IGDCC4: variants seen among roughly 807,000 people sequenced by gnomAD.
The protein encoded by IGDCC4 is immunoglobulin superfamily DCC subclass member 4.
Under a neutral mutation model 116.6 loss-of-function variants are expected in IGDCC4, and 72 were observed. The ratio of observed to expected loss-of-function variants is 0.62; its 90% confidence interval spans 0.51 to 0.75. IGDCC4 has a LOEUF of 0.75. Among genes scored for constraint, IGDCC4 ranks in the 30% least tolerant of loss-of-function variants. IGDCC4 has a pLI of 0.00. For missense variants in IGDCC4, 1,501 were observed against 1,662.4 expected (o/e 0.90, Z 1.69); for synonymous variants, 709 against 719.9 (o/e 0.98, Z 0.24).
rs1375195119 is a variant in IGDCC4 at position 65,384,988 on chromosome 15, A to G, written c.3308T>C (p.Leu1103Pro). The G allele has an allele frequency of 6.2e-6, 10 of 1,611,054 alleles. No individual in the cohort carries two copies. The highest frequency in any genetic ancestry group is 8.5e-6 in the Non-Finnish European group (10 of 1,178,924). ...GTCGTACACCAGAGCCTGCAGCAACAGCGTCTGCCCAGTTCCAGCAGGGGG... is the reference window on the plus strand; with the variant it reads ...GTCGTACACCAGAGCCTGCAGCAACGGCGTCTGCCCAGTTCCAGCAGGGGG... ...LLPPAGTGQTLLLQALVYDAI... is the reference protein window; with the variant it reads ...LLPPAGTGQTPLLQALVYDAI... The change falls in exon 19 of 20, where the codon CTG becomes CCG. Residue 1103 changes from leucine (L) to proline (P), a missense_variant. Transcript: ENST00000352385. The surrounding 1 kb of genome is among the most constrained non-coding windows in gnomAD (Gnocchi z 4.9).
At chr15:65,402,255 T>C in intron 4 of IGDCC4, 96 bp downstream of exon 4, 2 of 1,397,322 alleles carry the variant, frequency 1.4e-6, no homozygotes, top group Non-Finnish European at 1.9e-6. Context: ...TATCACCTAC[T>C]TGAAGGCAAG....
intron 13 of IGDCC4, among the ~76,000 whole-genome samples, chr15:65,389,833 G>T (rs2091495190): frequency 6.6e-6 from 1 of 152,154 alleles, no homozygotes; most frequent in Admixed American, 6.5e-5. Context: ...TGAGGACAGG[G>T]GTGGGGTTCT....
In IGDCC4 at chr15:65,382,353, AT is replaced by A. The variant is rs2091408289; in HGVS notation, c.*1655del. The stretch of plus-strand genomic sequence containing the variant: ...TGACACCCGAGTATAATAAACACAG[AT>A]GCTTTCAGGGTTTGAGGAAGCCGCA... On this transcript the variant is annotated 3_prime_UTR_variant, in exon 20 of 20. Coordinates refer to ENST00000352385, the MANE Select transcript of IGDCC4 (RefSeq NM_020962.3). The A allele has an allele frequency of 6.6e-6, 1 of 150,662 alleles. No individual in the cohort carries two copies. Among genetic ancestry groups the A allele is most frequent in the Admixed American group, 6.7e-5 (1 of 15,018 alleles). 9.3% of individuals were successfully genotyped at this position (150,662 alleles called of 1,614,324 possible).
chr15:65,414,656 G>C (rs905199571), intron 1 of IGDCC4, among the ~76,000 whole-genome samples: 10 of 152,180 alleles, frequency 6.6e-5, no homozygotes, highest in African/African-American at 2.4e-4. Context: ...TTGTTTGTTT[G>C]TTCTTGCGAC....
intron 1 of IGDCC4, among the ~76,000 whole-genome samples, chr15:65,414,882 T>C (rs868589388): frequency 6.6e-6 from 1 of 152,228 alleles, no homozygotes; most frequent in Admixed American, 6.5e-5. Context: ...CCTCAAGTGA[T>C]CTGCCTGCCT....
chr15:65,389,877 G>C (rs1269476674), intron 13 of IGDCC4, among the ~76,000 whole-genome samples: 1 of 152,160 alleles, frequency 6.6e-6, no homozygotes, highest in Non-Finnish European at 1.5e-5. Context: ...TCTGAGGTTG[G>C]AGAAACAGGT....
At chr15:65,404,000 T>A (rs1163781131) in intron 3 of IGDCC4, among the ~76,000 whole-genome samples, 1 of 151,750 alleles carries the variant, frequency 6.6e-6, no homozygotes, top group Non-Finnish European at 1.5e-5. Context: ...ACAGAGCAAA[T>A]GGTGCTGGCC....
At chr15:65,389,487 C>T (rs1271142627) in intron 13 of IGDCC4, 76 bp from the exon 14 acceptor site, 9 of 1,600,376 alleles carry the variant, frequency 5.6e-6, no homozygotes, top group Non-Finnish European at 7.7e-6. Context: ...AATCTACTCC[C>T]CTGCAGTCAG....
chr15:65,421,758 C>G (rs1282954574), intron 1 of IGDCC4, among the ~76,000 whole-genome samples: 1 of 151,222 alleles, frequency 6.6e-6, no homozygotes, highest in Non-Finnish European at 1.5e-5. Flanking sequence ...AAGAACTAGG[C>G]GAACAAAGCG....
At chr15:65,407,781 C>G (rs921464776) in intron 3 of IGDCC4, among the ~76,000 whole-genome samples, 5 of 149,920 alleles carry the variant, frequency 3.3e-5, no homozygotes, top group African/African-American at 1.2e-4. Context: ...CATGCGTCAC[C>G]ACGCCTGGAT....
chr15:65,398,652 G>A (rs902694825), intron 5 of IGDCC4, among the ~76,000 whole-genome samples: 3 of 152,150 alleles, frequency 2.0e-5, no homozygotes, highest in African/African-American at 4.8e-5. Context: ...GCCAAGGTGG[G>A]CGGATCACGA....
intron 3 of IGDCC4, among the ~76,000 whole-genome samples, chr15:65,405,755 C>T (rs918483022): frequency 6.6e-6 from 1 of 152,118 alleles, no homozygotes; most frequent in Non-Finnish European, 1.5e-5. Context: ...AGTTGGTATA[C>T]TCTACCATTT....
chr15:65,414,115 G>T (rs992847385), intron 1 of IGDCC4, among the ~76,000 whole-genome samples: 1 of 152,214 alleles, frequency 6.6e-6, no homozygotes, highest in African/African-American at 2.4e-5. Context: ...TAGAAGCCCT[G>T]TGAGTCTCCA....
Position 65,384,027 on chromosome 15 carries a change from C to G in IGDCC4, c.3735G>C (p.Pro1245=). Residue 1245 remains proline (P), a synonymous_variant, in exon 20 of 20, where the codon CCG becomes CCC. Coordinates refer to ENST00000352385, the MANE Select transcript of IGDCC4 (RefSeq NM_020962.3). This position sits in a 1 kb window ranked among gnomAD's most constrained non-coding sequence, Gnocchi z 4.9. ...LGASPGLPRS[P]VSSSA ...GGAAGAGCTAGGCAGAGGAGGAGAC[C>G]GGGGATCTGGGCAGGCCTGGGCTGG... is the stretch of plus-strand genomic sequence containing the variant. The G allele has an allele frequency of 6.3e-7, 1 of 1,594,112 alleles. No individual in the cohort carries two copies.
intron 1 of IGDCC4, among the ~76,000 whole-genome samples, chr15:65,419,177 C>G (rs1010737561): frequency 6.6e-6 from 1 of 151,738 alleles, no homozygotes; most frequent in Non-Finnish European, 1.5e-5. Context: ...CCACTTCGGC[C>G]TCCTGAGCAG....
chr15:65,407,531 C>T (rs547411719), intron 3 of IGDCC4, among the ~76,000 whole-genome samples: 22 of 151,712 alleles, frequency 1.5e-4, no homozygotes, highest in Non-Finnish European at 2.4e-4. Flanking sequence ...TTGGTACAGA[C>T]GGGGTTTCAC....
rs1402175299 is a variant in IGDCC4, at chr15:65,400,910, A to T, written c.737T>A (p.Ile246Asn). 4 of 1,614,016 alleles carry T rather than the reference A, an allele frequency of 2.5e-6. No homozygotes were observed. The African/African-American group carries it at 4.0e-5, about 16-fold the overall frequency. Residue 246 changes from isoleucine to asparagine, a missense_variant, in exon 5 of 20, where the codon ATT (isoleucine) becomes AAT (asparagine). By Grantham distance (149) the Ile-to-Asn change is moderately radical. Around this residue, in one of 3 missense-constraint regions of IGDCC4, gnomAD observed 898 missense variants for 978.9 expected, o/e 0.92. Coordinates refer to ENST00000352385, the MANE Select transcript of IGDCC4 (RefSeq NM_020962.3). ...TGTGGTGTTCTCTGGGGCTGCCACA[A>T]TGACCACGTCCTGCCCCCTGGTGGA... is the stretch of plus-strand genomic sequence containing the variant. Reference protein sequence around the residue: ...LASTRGQDVVIVAAPENTTVV... With the variant: ...LASTRGQDVVNVAAPENTTVV...
intron 4 of IGDCC4, among the ~76,000 whole-genome samples, chr15:65,401,933 G>A (rs2062990640): frequency 6.7e-6 from 1 of 150,178 alleles, no homozygotes; most frequent in Non-Finnish European, 1.5e-5. Flanking sequence ...GATTTGCAAG[G>A]CACAGAAAGC....
chr15:65,395,678 T>A lies in IGDCC4; in HGVS notation c.1411+72A>T, dbSNP rs2062916379. Reference sequence around the variant, plus strand: ...TACCCATCAGGCAACCCTTCAGTCATCCGACCTGAACCCCTTCTGGCTGCG... The same window carrying A: ...TACCCATCAGGCAACCCTTCAGTCAACCGACCTGAACCCCTTCTGGCTGCG... On this transcript the variant is annotated intron_variant, in intron 7 of 19. Coordinates refer to ENST00000352385, the MANE Select transcript of IGDCC4 (RefSeq NM_020962.3). 66 of 1,372,080 alleles carry A rather than the reference T, an allele frequency of 4.8e-5. No homozygotes were observed. In the South Asian group the frequency reaches 1.1e-3, roughly 23 times the overall value. The allele number at this position is 1,372,080 out of a possible 1,614,324, so 85.0% of individuals were successfully genotyped here. A position where few individuals can be genotyped will look rare whatever the true frequency, so the allele number is the denominator to read the frequency against.
Sources: allele counts gnomAD v4.1 joint callset (sites outside exome capture counted in the v4.1 genomes callset), GRCh38; gene constraint gnomAD v4.1.1; regional missense constraint gnomAD v4.1.1; non-coding constraint Gnocchi (gnomAD v3.1); transcripts MANE v1.5; gene names NCBI Gene and HGNC (gene_info 2026-07-23, HGNC 2026-07-21).